The following EEIG1 variants were observed in gnomAD, a reference collection of about 807,000 sequenced individuals.
EEIG1 encodes the protein estrogen-induced osteoclastogenesis regulator 1.
At chr9:127,966,439 C>T in the EEIG1 span, among the ~76,000 whole-genome samples, 5 of 149,224 alleles carry the variant, frequency 3.4e-5, no homozygotes, top group Admixed American at 3.3e-4. Context: ...AAAACCCCAT[C>T]TCCGAAAAAA....
the EEIG1 span, among the ~76,000 whole-genome samples, chr9:127,967,154 C>T: frequency 6.6e-6 from 1 of 152,190 alleles, no homozygotes; most frequent in Non-Finnish European, 1.5e-5. Context: ...GAGCCAAATC[C>T]GTCAAGACCT....
At chr9:127,945,958 T>C in the EEIG1 span, among the ~76,000 whole-genome samples, 1 of 152,216 alleles carries the variant, frequency 6.6e-6, no homozygotes, top group Non-Finnish European at 1.5e-5. This position sits in a 1 kb window ranked among gnomAD's most constrained non-coding sequence, Gnocchi z 6.5. Context: ...GAGGGCACAC[T>C]TGGGTGGGGT....
chr9:127,949,937 G>T, the EEIG1 span, among the ~76,000 whole-genome samples: 42 of 152,346 alleles, frequency 2.8e-4, no homozygotes, highest in Middle Eastern at 0.014. Context: ...ATCCACTGGG[G>T]GCCAGGCTAC....
chr9:127,950,891 G>A, the EEIG1 span, among the ~76,000 whole-genome samples: 3 of 152,328 alleles, frequency 2.0e-5, no homozygotes, highest in East Asian at 1.9e-4. Context: ...GGGAGCTGCC[G>A]GGTCAGCAGG....
the EEIG1 span, among the ~76,000 whole-genome samples, chr9:127,973,938 G>A: frequency 2.6e-5 from 4 of 152,160 alleles, no homozygotes; most frequent in East Asian, 3.9e-4. This position sits in a 1 kb window ranked among gnomAD's most constrained non-coding sequence, Gnocchi z 4.2. Context: ...AAAGCCCCTT[G>A]AGCCAAACGC....
At chr9:127,947,380 G>A in the EEIG1 span, among the ~76,000 whole-genome samples, 1 of 152,026 alleles carries the variant, frequency 6.6e-6, no homozygotes, top group Non-Finnish European at 1.5e-5. Context: ...AGGTTGCAGT[G>A]AGGTGAGATT....
chr9:127,958,682 CAAAA>C, the EEIG1 span, among the ~76,000 whole-genome samples: 1 of 151,308 alleles, frequency 6.6e-6, no homozygotes, highest in Non-Finnish European at 1.5e-5. Flanking sequence ...AAAGAAAAAA[CAAAA>C]CAAACAAACA....
At chr9:127,980,059 C>A in the EEIG1 span, 3 of 1,613,772 alleles carry the variant, frequency 1.9e-6, no homozygotes, top group South Asian at 3.3e-5. Context: ...ACCCCGTTCA[C>A]GAAGGGAACC....
At chr9:127,945,268 G>A in the EEIG1 span, 1 of 1,007,634 alleles carries the variant, frequency 9.9e-7, no homozygotes, top group Non-Finnish European at 1.4e-6. This position sits in a 1 kb window ranked among gnomAD's most constrained non-coding sequence, Gnocchi z 6.5. Flanking sequence ...CTCTGAGGTG[G>A]GGACCTTACG....
At chr9:127,955,512 C>T in the EEIG1 span, among the ~76,000 whole-genome samples, 1 of 152,256 alleles carries the variant, frequency 6.6e-6, no homozygotes, top group Non-Finnish European at 1.5e-5. Flanking sequence ...TGCTCTGCCC[C>T]AAGGCACCGC....
chr9:127,949,473 G>A, the EEIG1 span, among the ~76,000 whole-genome samples: 9 of 152,144 alleles, frequency 5.9e-5, no homozygotes, highest in Non-Finnish European at 8.8e-5. Flanking sequence ...GACAGGATGT[G>A]GGGGAGCTTC....
the EEIG1 span, chr9:127,943,812 C>G: frequency 1.3e-5 from 2 of 157,380 alleles, no homozygotes; most frequent in South Asian, 1.8e-4. Context: ...CCCTCACCCC[C>G]ACCCGAGAGC....
At chr9:127,980,264 CGGCGGAGAT>C in the EEIG1 span, 1 of 1,097,182 alleles carries the variant, frequency 9.1e-7, no homozygotes, top group Non-Finnish European at 1.3e-6. Context: ...GTGGCGGAGA[CGGCGGAGAT>C]CGGAGTCCGG....
chr9:127,948,340 C>T, the EEIG1 span: 44 of 1,613,798 alleles, frequency 2.7e-5, no homozygotes, highest in East Asian at 5.3e-4. Flanking sequence ...GGCTCCCATC[C>T]GCTCCCTAGG....
the EEIG1 span, among the ~76,000 whole-genome samples, chr9:127,966,293 C>T: frequency 6.6e-6 from 1 of 152,116 alleles, no homozygotes; most frequent in East Asian, 1.9e-4. Flanking sequence ...AAGCAGCAAC[C>T]TTGAGACTGA....
chr9:127,966,762 C>T, the EEIG1 span, among the ~76,000 whole-genome samples: 1 of 152,234 alleles, frequency 6.6e-6, no homozygotes, highest in Admixed American at 6.5e-5. Context: ...TCCCAGGCAC[C>T]CTCCTGTGTG....
chr9:127,980,686 G>C, the EEIG1 span, among the ~76,000 whole-genome samples: 5 of 150,232 alleles, frequency 3.3e-5, no homozygotes, highest in African/African-American at 1.2e-4. Flanking sequence ...GGGAAGGTGG[G>C]GCACCCCCAG....
At chr9:127,956,784 G>A in the EEIG1 span, among the ~76,000 whole-genome samples, 4 of 151,666 alleles carry the variant, frequency 2.6e-5, no homozygotes, top group Admixed American at 6.6e-5. Context: ...GCACGATCTC[G>A]GCTCACTGCA....
At chr9:127,972,091 A>G in the EEIG1 span, among the ~76,000 whole-genome samples, 1 of 152,000 alleles carries the variant, frequency 6.6e-6, no homozygotes, top group Non-Finnish European at 1.5e-5. This position sits in a 1 kb window ranked among gnomAD's most constrained non-coding sequence, Gnocchi z 4.3. Flanking sequence ...TGCCTGCCAG[A>G]GCAGGTCCCA....
Sources: gnomAD v4.1 joint callset for allele counts (sites outside exome capture counted in the v4.1 genomes callset) on GRCh38, gnomAD v4.1.1 for gene constraint, Gnocchi (gnomAD v3.1) non-coding constraint, MANE v1.5 for transcripts, NCBI Gene and HGNC (gene_info 2026-07-23, HGNC 2026-07-21) for gene names.